Variants in HTR2C observed in about 807,000 individuals in gnomAD.
HTR2C encodes the protein 5-hydroxytryptamine (serotonin) receptor 2C, G protein-coupled.
HTR2C carries 5 observed loss-of-function variants against 21.0 expected under a neutral mutation model. The observed-to-expected ratio is 0.24, with a 90% CI of 0.12 to 0.50. The LOEUF is 0.50. Ranked by LOEUF, HTR2C falls within the 20% of genes least tolerant of loss-of-function variation. HTR2C has a pLI of 0.98. For missense variants in HTR2C, 271 were observed against 371.2 expected (o/e 0.73, Z 2.22); for synonymous variants, 150 against 145.3 (o/e 1.03, Z -0.23).
At position 114,807,068 on chromosome X, in the gene HTR2C, T is replaced by C. The variant is rs192082477; in HGVS notation, c.350-40935T>C. Among the ~76,000 whole-genome samples, 105 of 22,993 alleles carry C rather than the reference T, an allele frequency of 4.6e-3. 15 individuals are homozygous for C. The highest frequency in any genetic ancestry group is 0.011 in the African/African-American group (101 of 9,263). The allele number at this position is 22,993 out of a possible 115,157, so 20.0% of individuals were successfully genotyped here. On this transcript the variant is annotated intron_variant, in intron 4 of 5. Coordinates refer to ENST00000276198, the MANE Select transcript of HTR2C (RefSeq NM_000868.4). ...ATATACCATATATACACCATATATA[T>C]ACCATATATACACCATATATATACC...
intron 4 of HTR2C, among the ~76,000 whole-genome samples, chrX:114,842,476 C>A (rs1212816977): frequency 8.9e-6 from 1 of 111,980 alleles, no homozygotes; most frequent in African/African-American, 3.3e-5. Context: ...CTAGACCACA[C>A]AAACAAGAAA....
At chrX:114,716,633 A>C (rs1161098047) in intron 2 of HTR2C, among the ~76,000 whole-genome samples, 30 of 111,891 alleles carry the variant, frequency 2.7e-4, no homozygotes, top group African/African-American at 8.1e-4. Flanking sequence ...AATAACTGAA[A>C]AACTTTCTAT....
chrX:114,864,464 T>C (rs782784898), intron 5 of HTR2C, among the ~76,000 whole-genome samples: 1 of 111,989 alleles, frequency 8.9e-6, no homozygotes, highest in East Asian at 2.8e-4. Flanking sequence ...AACTTTTGTC[T>C]TGTTATATTG....
intron 2 of HTR2C, among the ~76,000 whole-genome samples, chrX:114,667,341 G>T (rs1294863730): frequency 9.1e-6 from 1 of 110,406 alleles, no homozygotes; most frequent in Non-Finnish European, 1.9e-5. Context: ...ATAAATTTTC[G>T]AAAAGAGGGT....
rs188177875 is a variant in HTR2C, at chrX:114,616,577, G to A, written c.-80+2696G>A. Reference sequence around the variant, plus strand: ...GTTGGAATTACAGGCATAAGCCACCGCGCCCAGCATTTTAAGCTATATAAT... The same window carrying A: ...GTTGGAATTACAGGCATAAGCCACCACGCCCAGCATTTTAAGCTATATAAT... On this transcript the variant is annotated intron_variant, in intron 2 of 5. Transcript: ENST00000276198. Among the ~76,000 whole-genome samples, 66 of 96,182 alleles carry A rather than the reference G, an allele frequency of 6.9e-4. No homozygotes were observed. The East Asian group carries it at 0.011, about 16-fold the overall frequency. 83.5% of individuals were successfully genotyped at this position (96,182 alleles called of 115,157 possible).
intron 4 of HTR2C, among the ~76,000 whole-genome samples, chrX:114,806,091 C>T (rs199976898): frequency 1.7e-4 from 7 of 40,106 alleles, no homozygotes; most frequent in African/African-American, 2.1e-4. Flanking sequence ...ATATATACCA[C>T]ATATATACAC....
intron 2 of HTR2C, among the ~76,000 whole-genome samples, chrX:114,642,431 ATGCAATCTAAGAGGAGGGAAT>A (rs1930171364): frequency 8.9e-6 from 1 of 112,014 alleles, no homozygotes; most frequent in Non-Finnish European, 1.9e-5. Flanking sequence ...ATGAAAAAAT[ATGCAATCTAAGAGGAGGGAAT>A]TGCCATAAAT....
chrX:114,809,177 G>C (rs1327791200), intron 4 of HTR2C, among the ~76,000 whole-genome samples: 1 of 110,833 alleles, frequency 9.0e-6, no homozygotes, highest in Non-Finnish European at 1.9e-5. Context: ...TGGTGCTCTA[G>C]TCTATTGCAG....
chrX:114,771,110 T>A, intron 4 of HTR2C, among the ~76,000 whole-genome samples: 1 of 111,462 alleles, frequency 9.0e-6, no homozygotes, highest in East Asian at 2.8e-4. Flanking sequence ...CATACTTCCC[T>A]GTTTATTTGT....
At chrX:114,806,696 C>CAT (rs1327707824) in intron 4 of HTR2C, among the ~76,000 whole-genome samples, 1 of 94,199 alleles carries the variant, frequency 1.1e-5, no homozygotes, top group African/African-American at 3.9e-5. Flanking sequence ...ATATATACAC[C>CAT]ATATATACAC....
intron 2 of HTR2C, among the ~76,000 whole-genome samples, chrX:114,647,418 A>T (rs1930404038): frequency 8.9e-6 from 1 of 111,881 alleles, no homozygotes; most frequent in Admixed American, 9.5e-5. Context: ...GCTTTGATTT[A>T]CATTTTCCAG....
intron 4 of HTR2C, among the ~76,000 whole-genome samples, chrX:114,806,587 TCATATATATCATATATACAC>T (rs1485866995): frequency 6.6e-4 from 62 of 94,494 alleles, no homozygotes; most frequent in African/African-American, 1.5e-3. Context: ...ATCATATATA[TCATATATATCATATATACAC>T]CATATATACA....
chrX:114,706,325 TAGACTGGATTAAG>T (rs1449826628), intron 2 of HTR2C, among the ~76,000 whole-genome samples: 3 of 68,645 alleles, frequency 4.4e-5, no homozygotes, highest in African/African-American at 1.7e-4. Flanking sequence ...CCAACAATGA[TAGACTGGATTAAG>T]AAAATGTGGC....
At chrX:114,700,418 G>C (rs1043412690) in intron 2 of HTR2C, among the ~76,000 whole-genome samples, 6 of 111,711 alleles carry the variant, frequency 5.4e-5, no homozygotes, top group African/African-American at 2.0e-4. Flanking sequence ...ATGTTTTGCT[G>C]ATGGGATCTG....
chrX:114,887,776 C>T (rs1376189226), intron 5 of HTR2C, among the ~76,000 whole-genome samples: 3 of 110,747 alleles, frequency 2.7e-5, no homozygotes, highest in Non-Finnish European at 5.7e-5. Flanking sequence ...AATCCCAGCA[C>T]TTTGGGAGGC....
chrX:114,722,804 T>C (rs1482016008), intron 2 of HTR2C, among the ~76,000 whole-genome samples: 1 of 108,251 alleles, frequency 9.2e-6, no homozygotes, highest in African/African-American at 3.3e-5. Flanking sequence ...TCTGTTTATA[T>C]GCTGGATTAC....
chrX:114,742,086 G>A (rs1556425423), intron 4 of HTR2C, among the ~76,000 whole-genome samples: 1 of 111,191 alleles, frequency 9.0e-6, no homozygotes. Context: ...GCTTTGTCTG[G>A]AGAAGACTCT....
At chrX:114,869,808 A>G (rs782650080) in intron 5 of HTR2C, among the ~76,000 whole-genome samples, 5 of 111,621 alleles carry the variant, frequency 4.5e-5, no homozygotes, top group Admixed American at 9.5e-5. Context: ...TCTGTCATAT[A>G]TGGCTTTTAT....
At chrX:114,878,333 C>T (rs781892514) in intron 5 of HTR2C, among the ~76,000 whole-genome samples, 75 of 109,893 alleles carry the variant, frequency 6.8e-4, no homozygotes, top group African/African-American at 2.3e-3. Flanking sequence ...ATTGTATACC[C>T]GTAGTATAAT....
Sources: gnomAD v4.1 joint callset for allele counts (sites outside exome capture counted in the v4.1 genomes callset) on GRCh38, gnomAD v4.1.1 for gene constraint, MANE v1.5 for transcripts, NCBI Gene and HGNC (gene_info 2026-07-23, HGNC 2026-07-21) for gene names.